The following FBXO40 variants were observed in gnomAD, a reference collection of about 807,000 sequenced individuals.
FBXO40 encodes F-box protein 40, also known as F-box only protein 40.
Under a neutral mutation model 49.9 loss-of-function variants are expected in FBXO40, and 50 were observed. The observed-to-expected ratio is 1.00, with a 90% CI of 0.80 to 1.27. The LOEUF (loss-of-function observed/expected upper bound fraction) is 1.27. FBXO40 is among the 50% of genes most tolerant of loss of function. The pLI is 0.00. For missense variants in FBXO40, 895 were observed against 870.1 expected (o/e 1.03, Z -0.36); for synonymous variants, 340 against 320.2 (o/e 1.06, Z -0.66).
At chr3:121,617,988 G>A (rs139652654) in intron 1 of FBXO40, among the ~76,000 whole-genome samples, 5 of 152,146 alleles carry the variant, frequency 3.3e-5, no homozygotes, top group African/African-American at 1.2e-4. Flanking sequence ...AACAGAGCAA[G>A]GCTCTGTCAA....
At chr3:121,612,974 G>C (rs1374154728) in intron 1 of FBXO40, among the ~76,000 whole-genome samples, 4 of 151,908 alleles carry the variant, frequency 2.6e-5, no homozygotes, top group African/African-American at 7.3e-5. Flanking sequence ...GGAGGCTGAG[G>C]CGGGAGAATG....
intron 1 of FBXO40, among the ~76,000 whole-genome samples, chr3:121,594,056 C>T (rs2048857068): frequency 1.3e-5 from 2 of 152,016 alleles, no homozygotes; most frequent in Admixed American, 1.3e-4. Flanking sequence ...TTAGTAGAGA[C>T]AGAGTTTCAC....
chr3:121,622,093 T>C lies in FBXO40; in HGVS notation c.664T>C (p.Phe222Leu). Residue 222 changes from phenylalanine to leucine, a missense_variant, in exon 3 of 4, where the codon TTC (phenylalanine) becomes CTC (leucine). By Grantham distance (22) the Phe-to-Leu change is conservative (BLOSUM62 0). Coordinates refer to ENST00000338040, the MANE Select transcript of FBXO40 (RefSeq NM_016298.4). ...LVKFGQWENIFSKEHAASALT... is the reference protein window; with the variant it reads ...LVKFGQWENILSKEHAASALT... The stretch of plus-strand genomic sequence containing the variant: ...CAAGTTTGGCCAGTGGGAAAATATT[T>C]TCAGCAAAGAGCACGCAGCCTCTGC... 2 of 1,614,150 alleles carry C rather than the reference T, an allele frequency of 1.2e-6. No homozygotes were observed. The highest frequency in any genetic ancestry group is 1.7e-6 in the Non-Finnish European group (2 of 1,180,028).
rs2049082033 is a variant in FBXO40 at position 121,629,654 on chromosome 3, G to A, written c.*2744G>A. 1 of 152,198 alleles carries A rather than the reference G, an allele frequency of 6.6e-6. No homozygotes were observed. Among genetic ancestry groups the A allele is most frequent in the African/African-American group, 2.4e-5 (1 of 41,440 alleles). 9.4% of individuals were successfully genotyped at this position (152,198 alleles called of 1,614,324 possible). ...GAGTGGCACTGCCCACAACTGCTTT[G>A]TGGGTTGTGCACTTCCAGCCGCACT... On this transcript the variant is annotated 3_prime_UTR_variant, in exon 4 of 4. Transcript: ENST00000338040.
chr3:121,629,655 T>C lies in FBXO40; in HGVS notation c.*2745T>C, dbSNP rs1487087178. On this transcript the variant is annotated 3_prime_UTR_variant, in exon 4 of 4. Transcript: ENST00000338040. ...AGTGGCACTGCCCACAACTGCTTTG[T>C]GGGTTGTGCACTTCCAGCCGCACTC... The C allele has an allele frequency of 6.6e-6, 1 of 152,154 alleles. No individual in the cohort carries two copies. Among genetic ancestry groups the C allele is most frequent in the Non-Finnish European group, 1.5e-5 (1 of 68,046 alleles). 9.4% of individuals were successfully genotyped at this position (152,154 alleles called of 1,614,324 possible). A position where few individuals can be genotyped will look rare whatever the true frequency, so the allele number is the denominator to read the frequency against.
At chr3:121,624,331 G>C (rs1475576165) in intron 3 of FBXO40, among the ~76,000 whole-genome samples, 1 of 152,138 alleles carries the variant, frequency 6.6e-6, no homozygotes, top group Non-Finnish European at 1.5e-5. Context: ...CTAGGCATGG[G>C]AACAGTTGCT....
chr3:121,619,535 A>C (rs913284023), intron 1 of FBXO40, among the ~76,000 whole-genome samples: 1 of 152,194 alleles, frequency 6.6e-6, no homozygotes, highest in Non-Finnish European at 1.5e-5. Flanking sequence ...TTTTATTTCG[A>C]TATATTATGT....
chr3:121,613,856 G>C (rs537894184), intron 1 of FBXO40, among the ~76,000 whole-genome samples: 7 of 152,340 alleles, frequency 4.6e-5, no homozygotes, highest in Non-Finnish European at 1.0e-4. Flanking sequence ...TTGGTGGCCG[G>C]GCATTGTGGC....
At chr3:121,595,498 A>G (rs926192740) in intron 1 of FBXO40, among the ~76,000 whole-genome samples, 3 of 152,258 alleles carry the variant, frequency 2.0e-5, no homozygotes, top group Admixed American at 1.3e-4. Context: ...AGAATTAACT[A>G]GCTAATTCAA....
At chr3:121,595,637 G>A (rs2048867773) in intron 1 of FBXO40, among the ~76,000 whole-genome samples, 2 of 152,172 alleles carry the variant, frequency 1.3e-5, no homozygotes, top group African/African-American at 2.4e-5. Context: ...TCGCAGCGTC[G>A]AAGCCAAGGA....
At chr3:121,612,240 G>T (rs1240717240) in intron 1 of FBXO40, among the ~76,000 whole-genome samples, 1 of 152,216 alleles carries the variant, frequency 6.6e-6, no homozygotes. Context: ...GTCACCATCT[G>T]CCAGCTCCTG....
intron 2 of FBXO40, among the ~76,000 whole-genome samples, chr3:121,620,817 A>C (rs1392740900): frequency 1.3e-5 from 2 of 152,232 alleles, no homozygotes; most frequent in African/African-American, 4.8e-5. Flanking sequence ...AAATAGTCAA[A>C]AAGCCAGCAA....
At chr3:121,614,707 C>T (rs1417821163) in intron 1 of FBXO40, among the ~76,000 whole-genome samples, 1 of 152,184 alleles carries the variant, frequency 6.6e-6, no homozygotes, top group Non-Finnish European at 1.5e-5. Context: ...GACAAGCATC[C>T]TTGTCCCCTG....
intron 1 of FBXO40, among the ~76,000 whole-genome samples, chr3:121,609,859 T>C (rs1263089350): frequency 1.3e-5 from 2 of 152,224 alleles, no homozygotes; most frequent in African/African-American, 4.8e-5. Context: ...GGCTCCATTA[T>C]GCTGGGCCAG....
intron 1 of FBXO40, 133 bp from the exon 2 acceptor site, chr3:121,620,413 A>C (rs779871396): frequency 2.8e-6 from 2 of 718,038 alleles, no homozygotes; most frequent in Non-Finnish European, 4.5e-6. Context: ...TGACTCAAAC[A>C]TGGAGATAAA....
Position 121,627,144 on chromosome 3 carries a change from C to T in FBXO40, c.*234C>T, listed in dbSNP as rs1183183321. The T allele has an allele frequency of 3.2e-5, 17 of 525,754 alleles. 1 individual carries two copies. The highest frequency in any genetic ancestry group is 1.0e-5 in the Non-Finnish European group (3 of 294,728). The allele number at this position is 525,754 out of a possible 1,614,324, so 32.6% of individuals were successfully genotyped here. Reference sequence around the variant, plus strand: ...CTTGTTTCCTTTTTTCTTTTCTTTTCTTTTCTTTTTTCTTTCTTTCTAAAA... The same window carrying T: ...CTTGTTTCCTTTTTTCTTTTCTTTTTTTTTCTTTTTTCTTTCTTTCTAAAA... On this transcript the variant is annotated 3_prime_UTR_variant, in exon 4 of 4. Coordinates refer to ENST00000338040, the MANE Select transcript of FBXO40 (RefSeq NM_016298.4).
chr3:121,609,226 A>G (rs937129577), intron 1 of FBXO40, among the ~76,000 whole-genome samples: 5 of 152,078 alleles, frequency 3.3e-5, no homozygotes, highest in Non-Finnish European at 1.5e-5. Context: ...AACAAATAGT[A>G]AATAATAAAA....
intron 1 of FBXO40, among the ~76,000 whole-genome samples, chr3:121,617,297 T>C (rs933118382): frequency 6.6e-6 from 1 of 152,136 alleles, no homozygotes; most frequent in African/African-American, 2.4e-5. Flanking sequence ...ATACTATGTA[T>C]CAATTAAAAA....
Position 121,621,508 on chromosome 3 carries a change from G to A in FBXO40, c.79G>A (p.Val27Met), listed in dbSNP as rs2049029420. 1.2e-6 allele frequency: 2 copies of A among 1,614,118 alleles called. No homozygotes were observed. Among genetic ancestry groups the A allele is most frequent in the South Asian group, 1.1e-5 (1 of 91,090 alleles). ...GCFNRHCHIP[V>M]EPNTSCLVIS... ...CTTCAACCGCCACTGCCACATTCCT[G>A]TGGAACCCAACACCTCCTGCCTGGT... Residue 27 changes from valine to methionine, a missense_variant, in exon 3 of 4, where the codon GTG becomes ATG. By Grantham distance (21) the Val-to-Met change is conservative. Coordinates refer to ENST00000338040, the MANE Select transcript of FBXO40 (RefSeq NM_016298.4).
Sources: allele counts gnomAD v4.1 joint callset (sites outside exome capture counted in the v4.1 genomes callset), GRCh38; gene constraint gnomAD v4.1.1; transcripts MANE v1.5; gene names NCBI Gene and HGNC (gene_info 2026-07-23, HGNC 2026-07-21).